DMXL2: variants seen among roughly 807,000 people sequenced by gnomAD.
The protein encoded by DMXL2 is Dmx like 2.
Under a neutral mutation model 331.1 loss-of-function variants are expected in DMXL2, and 103 were observed. The observed-to-expected ratio is 0.31, with a 90% CI of 0.27 to 0.37. The LOEUF (loss-of-function observed/expected upper bound fraction) is 0.37, where lower values mean the gene tolerates loss of function less well. Ranked by LOEUF, DMXL2 falls within the 10% of genes least tolerant of loss-of-function variation. The probability of loss-of-function intolerance (pLI) is 1.00; values close to 1 mark genes in which losing one functional copy is unlikely to be tolerated. For synonymous variants in DMXL2, 1,281 were observed against 1,252.1 expected (o/e 1.02, Z -0.49); for missense variants, 3,171 against 3,642.9 (o/e 0.87, Z 3.33).
At chr15:51,462,515 T>G (rs949752532) in intron 33 of DMXL2, among the ~76,000 whole-genome samples, 1 of 152,154 alleles carries the variant, frequency 6.6e-6, no homozygotes, top group Admixed American at 6.5e-5. Flanking sequence ...TTTTGTATTT[T>G]TAGTAGAGAT....
Position 51,499,956 on chromosome 15 carries a change from T to C in DMXL2, c.3268A>G (p.Ile1090Val), listed in dbSNP as rs1159069256. Residue 1090 changes from isoleucine to valine, a missense_variant, in exon 18 of 44, where the codon ATC (isoleucine) becomes GTC (valine). Coordinates refer to ENST00000560891, the MANE Select transcript of DMXL2 (RefSeq NM_001378457.1). ...GRLAVAYKQP[I>V]HHNGFVSKEF... Reference sequence around the variant, plus strand: ...TTAGAAACAAAACCATTATGGTGGATAGGCTGCTTATAAGCCACTGCAAGG... The same window carrying C: ...TTAGAAACAAAACCATTATGGTGGACAGGCTGCTTATAAGCCACTGCAAGG... The C allele has an allele frequency of 3.7e-6, 6 of 1,614,006 alleles. No homozygotes were observed. The South Asian group carries it at 4.4e-5, about 12-fold the overall frequency.
At chr15:51,579,298 ATT>A (rs1461806072) in intron 1 of DMXL2, among the ~76,000 whole-genome samples, 4 of 152,198 alleles carry the variant, frequency 2.6e-5, no homozygotes, top group Non-Finnish European at 5.9e-5. Flanking sequence ...CTCTTAAACT[ATT>A]GCACACTAAC....
chr15:51,481,331 G>C lies in DMXL2; in HGVS notation c.5775C>G (p.Asp1925Glu). Reference sequence around the variant, plus strand: ...CATCATCCATCCTGTGAGAAATGAAGTCAGGCTGATCTTTTTTTGCAGATA... The same window carrying C: ...CATCATCCATCCTGTGAGAAATGAACTCAGGCTGATCTTTTTTTGCAGATA... The part of the protein sequence containing the change: ...SALSAKKDQP[D>E]FISHRMDDVP... Residue 1925 changes from aspartate (D) to glutamate (E), a missense_variant, in exon 24 of 44, where the codon GAC becomes GAG. Asp to Glu is a conservative substitution (Grantham distance 45). Coordinates refer to ENST00000560891, the MANE Select transcript of DMXL2 (RefSeq NM_001378457.1). 1 of 1,614,118 alleles carries C rather than the reference G, an allele frequency of 6.2e-7. No homozygotes were observed. Among genetic ancestry groups the C allele is most frequent in the Non-Finnish European group, 8.5e-7 (1 of 1,179,994 alleles).
chr15:51,606,908 C>T (rs1485023241), intron 1 of DMXL2, among the ~76,000 whole-genome samples: 2 of 152,168 alleles, frequency 1.3e-5, no homozygotes, highest in Non-Finnish European at 2.9e-5. Context: ...CCTGTAATCC[C>T]AGCACTTTCG....
rs1208791271 is a variant in DMXL2, at chr15:51,530,126, GC to G, written c.2436+5536del. The stretch of plus-strand genomic sequence containing the variant: ...CATACCTTCTATACCCTAGTATCAT[GC>G]CGAATGGGGAAAAACTGAAAGCCTT... On this transcript the variant is annotated intron_variant, in intron 13 of 43. Coordinates refer to ENST00000560891, the MANE Select transcript of DMXL2 (RefSeq NM_001378457.1). 1.8e-4 allele frequency among the ~76,000 whole-genome samples: 27 copies of G among 152,180 alleles called. No homozygotes were observed. The East Asian group carries it at 3.9e-3, about 22-fold the overall frequency.
At chr15:51,466,352 T>C in intron 29 of DMXL2, 41 bp from the exon 30 acceptor site, 1 of 833,886 alleles carries the variant, frequency 1.2e-6, no homozygotes, top group Non-Finnish European at 1.6e-6. Context: ...AGATTATAAT[T>C]TCATAAACAT....
chr15:51,556,309 C>G (rs2049574533), intron 6 of DMXL2, among the ~76,000 whole-genome samples: 1 of 142,234 alleles, frequency 7.0e-6, no homozygotes, highest in Admixed American at 7.3e-5. Flanking sequence ...CGCCACTGCA[C>G]TCCACCCTGG....
chr15:51,476,317 T>A (rs1255303342), intron 27 of DMXL2, among the ~76,000 whole-genome samples: 1 of 152,218 alleles, frequency 6.6e-6, no homozygotes, highest in African/African-American at 2.4e-5. Context: ...CTAAGAAAGA[T>A]AATGTGCTCC....
chr15:51,600,160 T>C (rs1368635762), intron 1 of DMXL2, among the ~76,000 whole-genome samples: 1 of 152,246 alleles, frequency 6.6e-6, no homozygotes, highest in African/African-American at 2.4e-5. Flanking sequence ...TCTGACTTTC[T>C]CATTCAAGAA....
rs2047201019 is a variant in DMXL2 at position 51,519,153 on chromosome 15, T to C, written c.2437-1986A>G. On this transcript the variant is annotated intron_variant, in intron 13 of 43. Transcript: ENST00000560891. The stretch of plus-strand genomic sequence containing the variant: ...TGTTTTGATGTATATTTTTTTTTAA[T>C]GGTTAACATTCTTCTTTTCTTTTTT... 2.0e-5 allele frequency among the ~76,000 whole-genome samples: 3 copies of C among 152,294 alleles called. No homozygotes were observed. The South Asian group carries it at 6.2e-4, about 32-fold the overall frequency.
At chr15:51,607,026 T>C (rs1011824158) in intron 1 of DMXL2, among the ~76,000 whole-genome samples, 1 of 152,000 alleles carries the variant, frequency 6.6e-6, no homozygotes, top group Non-Finnish European at 1.5e-5. Context: ...GGCATGGTGA[T>C]GGATGCCTGT....
Position 51,505,632 on chromosome 15 carries a change from A to G in DMXL2, c.2764+1502T>C, listed in dbSNP as rs569931035. ...GAATTTTTAAATTCCTGGTGCCTCA[A>G]GAAGATTAGGCTCAACTAGGTGAAG... On this transcript the variant is annotated intron_variant, in intron 16 of 43. Coordinates refer to ENST00000560891, the MANE Select transcript of DMXL2 (RefSeq NM_001378457.1). Among the ~76,000 whole-genome samples, 7 of 152,350 alleles carry G rather than the reference A, an allele frequency of 4.6e-5. No individual in the cohort carries two copies. The East Asian group carries it at 1.3e-3, about 29-fold the overall frequency.
At chr15:51,585,884 C>A (rs1211446676) in intron 1 of DMXL2, among the ~76,000 whole-genome samples, 1 of 152,034 alleles carries the variant, frequency 6.6e-6, no homozygotes, top group African/African-American at 2.4e-5. Context: ...TTTTTCACAC[C>A]TACAAACAAA....
rs1193863844 is a variant in DMXL2 at position 51,536,169 on chromosome 15, G to C, written c.2311C>G (p.Leu771Val). ...CACAATTACAATGAACACTTACCTA[G>C]ACAGTAACTGGGAATGAGAGTTGGA... ...WLPTLIPSYC[L>V]GTYCNSASAC... The change falls in exon 12 of 44, where the codon CTA (leucine) becomes GTA (valine). Residue 771 changes from leucine to valine, a missense_variant. Transcript: ENST00000560891. The C allele has an allele frequency of 6.3e-7, 1 of 1,576,978 alleles. No individual in the cohort carries two copies. The highest frequency in any genetic ancestry group is 8.6e-7 in the Non-Finnish European group (1 of 1,163,914).
chr15:51,527,985 A>G (rs568283313), intron 13 of DMXL2, among the ~76,000 whole-genome samples: 3 of 152,284 alleles, frequency 2.0e-5, no homozygotes, highest in African/African-American at 7.2e-5. Flanking sequence ...TTGCTTGTTT[A>G]TTTATGCAAA....
intron 39 of DMXL2, among the ~76,000 whole-genome samples, chr15:51,455,844 A>G (rs1013994984): frequency 6.6e-6 from 1 of 152,226 alleles, no homozygotes; most frequent in African/African-American, 2.4e-5. Context: ...TTACTCTCAC[A>G]GTATATTTAG....
At chr15:51,520,645 T>A (rs6493499) in intron 13 of DMXL2, among the ~76,000 whole-genome samples, 67,384 of 151,870 alleles carry the variant, frequency 0.44, 15,518 homozygotes, top group Non-Finnish European at 0.5. Context: ...TCACCTGAGG[T>A]CAAAAGTTTG....
chr15:51,487,448 T>A (rs1425180396), intron 22 of DMXL2, among the ~76,000 whole-genome samples: 1 of 148,738 alleles, frequency 6.7e-6, no homozygotes, highest in African/African-American at 2.4e-5. Context: ...CAATGTGCCA[T>A]ATATGAAATT....
chr15:51,548,121 G>T (rs1340181645), intron 6 of DMXL2, among the ~76,000 whole-genome samples: 2 of 151,960 alleles, frequency 1.3e-5, no homozygotes, highest in African/African-American at 4.8e-5. Flanking sequence ...ATTTTACTTA[G>T]TCCTAACAAT....
Sources: allele counts gnomAD v4.1 joint callset (sites outside exome capture counted in the v4.1 genomes callset), GRCh38; gene constraint gnomAD v4.1.1; transcripts MANE v1.5; gene names NCBI Gene and HGNC (gene_info 2026-07-23, HGNC 2026-07-21).